SIMC1: variants seen among roughly 807,000 people sequenced by gnomAD.
The protein encoded by SIMC1 is SUMO interacting motifs containing 1.
In SIMC1, 55 loss-of-function variants were observed where a neutral mutation model predicts 82.3. That is an observed-to-expected ratio of 0.67 (90% confidence interval 0.54 to 0.84). SIMC1 has a LOEUF of 0.84. Ranked by LOEUF, SIMC1 falls within the 40% of genes least tolerant of loss-of-function variation. The probability of loss-of-function intolerance (pLI) is 0.00; values close to 1 mark genes in which losing one functional copy is unlikely to be tolerated. For synonymous variants in SIMC1, 353 were observed against 426.3 expected, an observed-to-expected ratio of 0.83 and a Z score of 2.12; for missense variants, 915 against 1,107.2, an observed-to-expected ratio of 0.83 and a Z score of 2.46.
chr5:176,275,713 G>A (rs1251099895), intron 1 of SIMC1, among the ~76,000 whole-genome samples: 6 of 151,806 alleles, frequency 4.0e-5, no homozygotes, highest in Admixed American at 1.3e-4. Context: ...AACCTTTTCT[G>A]CATCTATTGA....
chr5:176,244,705 TCTTTTTTTTTTTC>T (rs1285738568), intron 1 of SIMC1, among the ~76,000 whole-genome samples: 15 of 150,710 alleles, frequency 1.0e-4, no homozygotes, highest in Non-Finnish European at 1.5e-4. Context: ...TTATAATGTT[TCTTTTTTTTTTTC>T]CTTTTTTTTT....
At chr5:176,326,765 A>G (rs946038198) in intron 7 of SIMC1, among the ~76,000 whole-genome samples, 1 of 152,092 alleles carries the variant, frequency 6.6e-6, no homozygotes, top group African/African-American at 2.4e-5. Flanking sequence ...GGGTTTCACC[A>G]TGTTAGCCAG....
chr5:176,285,644 T>C (rs201299221), intron 1 of SIMC1, among the ~76,000 whole-genome samples: 41 of 147,850 alleles, frequency 2.8e-4, no homozygotes, highest in African/African-American at 6.5e-4. Flanking sequence ...CCAGGGCAAT[T>C]AGGCAGGAGA....
chr5:176,305,464 C>T (rs1180737610), intron 4 of SIMC1, among the ~76,000 whole-genome samples: 2 of 67,314 alleles, frequency 3.0e-5, no homozygotes, highest in Non-Finnish European at 3.1e-5. Context: ...GCGCCTCTGC[C>T]CGGCCGCCCC....
chr5:176,303,214 G>A (rs1367181364), intron 4 of SIMC1, among the ~76,000 whole-genome samples: 3 of 149,818 alleles, frequency 2.0e-5, no homozygotes, highest in Non-Finnish European at 4.4e-5. Flanking sequence ...GTTGCAGTGA[G>A]CTGAGATCAC....
chr5:176,341,493 G>T (rs192049242), intron 9 of SIMC1, among the ~76,000 whole-genome samples: 45 of 152,360 alleles, frequency 3.0e-4, no homozygotes, highest in Non-Finnish European at 5.4e-4. Flanking sequence ...TGCTCTACCT[G>T]ATGTGTAGCG....
chr5:176,296,533 G>C, intron 4 of SIMC1: 1 of 559,196 alleles, frequency 1.8e-6, no homozygotes, highest in Non-Finnish European at 3.2e-6. Context: ...GCCAGGCATA[G>C]TGATGCATGC....
At chr5:176,256,633 A>T (rs1761858549) in intron 1 of SIMC1, among the ~76,000 whole-genome samples, 1 of 152,256 alleles carries the variant, frequency 6.6e-6, no homozygotes, top group South Asian at 2.1e-4. Context: ...CACATTAATT[A>T]TAGGATACAT....
At chr5:176,304,025 C>T (rs914221168) in intron 4 of SIMC1, among the ~76,000 whole-genome samples, 1 of 152,154 alleles carries the variant, frequency 6.6e-6, no homozygotes, top group South Asian at 2.1e-4. Context: ...ACCATAAACA[C>T]AGGCAGCAAA....
chr5:176,251,534 G>A (rs1197569142), intron 1 of SIMC1, among the ~76,000 whole-genome samples: 1 of 151,712 alleles, frequency 6.6e-6, no homozygotes, highest in Non-Finnish European at 1.5e-5. Context: ...CTTCACTTAT[G>A]AAGCATAGTC....
intron 4 of SIMC1, chr5:176,309,075 A>G (rs986382174): frequency 5.6e-6 from 4 of 708,000 alleles, no homozygotes; most frequent in Non-Finnish European, 7.6e-6. Context: ...AGCTAAATCA[A>G]TTTTGAAGAA....
intron 1 of SIMC1, among the ~76,000 whole-genome samples, chr5:176,273,374 A>C (rs112014783): frequency 0.14 from 21,428 of 152,204 alleles, 1,532 homozygotes; most frequent in Middle Eastern, 0.21. Flanking sequence ...AAGGGTCCTG[A>C]CTGTTAGAAG....
intron 4 of SIMC1, chr5:176,307,915 T>A (rs767200971): frequency 9.4e-6 from 5 of 530,922 alleles, no homozygotes; most frequent in African/African-American, 1.9e-5. Flanking sequence ...AATGAAAACC[T>A]GTCAGCCAAA....
Position 176,279,666 on chromosome 5 carries a change from A to G in SIMC1, c.130-9988A>G, listed in dbSNP as rs1297153547. Among the ~76,000 whole-genome samples, 23 of 150,182 alleles carry G rather than the reference A, an allele frequency of 1.5e-4. No homozygotes were observed. In the East Asian group the frequency reaches 2.5e-3, roughly 17 times the overall value. ...TTGAATGCGTCCCAGAGATTCTGGT[A>G]TGTTGTGTCTTTGTTCTCGTTGGTT... On this transcript the variant is annotated intron_variant, in intron 1 of 9. Transcript: ENST00000429602.
intron 1 of SIMC1, among the ~76,000 whole-genome samples, chr5:176,288,169 A>C (rs1262841396): frequency 6.6e-6 from 1 of 152,194 alleles, no homozygotes; most frequent in African/African-American, 2.4e-5. Flanking sequence ...GCACTTTGGG[A>C]GGCCAAAGCC....
intron 4 of SIMC1, among the ~76,000 whole-genome samples, chr5:176,307,163 G>C (rs903617968): frequency 6.6e-6 from 1 of 152,130 alleles, no homozygotes; most frequent in Non-Finnish European, 1.5e-5. Flanking sequence ...AAATAAGTGT[G>C]GGCAAGAATT....
rs995877210 is a variant in SIMC1 at position 176,308,200 on chromosome 5, A to G, written c.1735-5491A>G. On this transcript the variant is annotated intron_variant, in intron 4 of 9. Transcript: ENST00000429602. ...GGATAGGGGAGTTGAACAATGATAC[A>G]AGGAGTGACTCCAAATTTGCATATA... 6 of 1,493,514 alleles carry G rather than the reference A, an allele frequency of 4.0e-6. No individual in the cohort carries two copies. The African/African-American group carries it at 4.1e-5, about 10-fold the overall frequency. 92.5% of individuals were successfully genotyped at this position (1,493,514 alleles called of 1,614,324 possible). A position where few individuals can be genotyped will look rare whatever the true frequency, so the allele number is the denominator to read the frequency against.
intron 7 of SIMC1, among the ~76,000 whole-genome samples, chr5:176,329,339 C>T (rs1450586244): frequency 6.6e-6 from 1 of 151,918 alleles, no homozygotes; most frequent in African/African-American, 2.4e-5. Context: ...GGTGCGGTGG[C>T]GGGCGCCTGT....
chr5:176,298,488 G>C (rs190739198), intron 4 of SIMC1, among the ~76,000 whole-genome samples: 1 of 152,310 alleles, frequency 6.6e-6, no homozygotes, highest in East Asian at 1.9e-4. Flanking sequence ...ATAAACATTA[G>C]CTGGGTGTGG....
Sources: gnomAD v4.1 joint callset for allele counts (sites outside exome capture counted in the v4.1 genomes callset) on GRCh38, gnomAD v4.1.1 for gene constraint, MANE v1.5 for transcripts, NCBI Gene and HGNC (gene_info 2026-07-23, HGNC 2026-07-21) for gene names.